DNAJC13: variants seen among roughly 807,000 people sequenced by gnomAD.
DNAJC13 encodes dnaJ homolog subfamily C member 13.
Under a neutral mutation model 290.5 loss-of-function variants are expected in DNAJC13, and 75 were observed. The observed-to-expected ratio is 0.26, with a 90% CI of 0.21 to 0.31. The LOEUF (loss-of-function observed/expected upper bound fraction) is 0.31. DNAJC13 is among the 10% of genes least tolerant of loss of function. DNAJC13 has a pLI of 1.00. For missense variants in DNAJC13, 2,260 were observed against 2,674.5 expected (o/e 0.85, Z 3.42); for synonymous variants, 862 against 892.0 (o/e 0.97, Z 0.60).
intron 43 of DNAJC13, 59 bp from the exon 44 acceptor site, chr3:132,511,008 G>A: frequency 6.4e-7 from 1 of 1,561,852 alleles, no homozygotes; most frequent in South Asian, 1.2e-5. Flanking sequence ...TCTTTCTTTT[G>A]CTATGGAGTT....
intron 46 of DNAJC13, among the ~76,000 whole-genome samples, chr3:132,515,577 TG>T (rs1028548216): frequency 6.6e-6 from 1 of 152,182 alleles, no homozygotes; most frequent in African/African-American, 2.4e-5. Flanking sequence ...AGTAGCTTTG[TG>T]AGACTTCAAA....
At chr3:132,464,969 A>G (rs1933925956) in intron 17 of DNAJC13, among the ~76,000 whole-genome samples, 1 of 152,158 alleles carries the variant, frequency 6.6e-6, no homozygotes, top group Non-Finnish European at 1.5e-5. Flanking sequence ...CTCTATTTGC[A>G]TTGCTTTATC....
chr3:132,487,559 A>ATTTTTTTTTTTTTT lies in DNAJC13; in HGVS notation c.3268-732_3268-719dup, dbSNP rs10663131. On this transcript the variant is annotated intron_variant, in intron 29 of 55. Transcript: ENST00000260818. Reference sequence around the variant, plus strand: ...GCGTGAGCCACCATGCCTGGCTGTAATTTTTTTTTTTTTTTTTTTTACTGG... The same window carrying ATTTTTTTTTTTTTT: ...GCGTGAGCCACCATGCCTGGCTGTAATTTTTTTTTTTTTTTTTTTTTTTTTTTTTTTTTTACTGG... Among the ~76,000 whole-genome samples the ATTTTTTTTTTTTTT allele has an allele frequency of 3.5e-4, 39 of 110,436 alleles. 6 individuals are homozygous for ATTTTTTTTTTTTTT. Among genetic ancestry groups the ATTTTTTTTTTTTTT allele is most frequent in the African/African-American group, 2.0e-3 (37 of 18,780 alleles). 72.5% of individuals were successfully genotyped at this position (110,436 alleles called of 152,430 possible).
chr3:132,499,762 T>C lies in DNAJC13; in HGVS notation c.4370T>C (p.Val1457Ala), dbSNP rs1010741575. 3.1e-6 allele frequency: 5 copies of C among 1,614,114 alleles called. No homozygotes were observed. The highest frequency in any genetic ancestry group is 3.4e-6 in the Non-Finnish European group (4 of 1,180,040). ...EVLQEAFSRC[V>A]AVLTRASKPS... is the part of the protein sequence containing the mutation. ...TTACAAGAGGCATTTAGTCGCTGTG[T>C]GGCTGTCTTGACTCGTGCTAGTAAA... Residue 1457 changes from valine to alanine, a missense_variant, in exon 38 of 56, where the codon GTG (valine) becomes GCG (alanine). By Grantham distance (64) the Val-to-Ala change is moderately conservative. Transcript: ENST00000260818.
At chr3:132,504,124 TC>T (rs1408745215) in intron 41 of DNAJC13, among the ~76,000 whole-genome samples, 1 of 152,158 alleles carries the variant, frequency 6.6e-6, no homozygotes, top group African/African-American at 2.4e-5. Flanking sequence ...AGGCAGTTTT[TC>T]TTTTGTTTTC....
intron 1 of DNAJC13, among the ~76,000 whole-genome samples, chr3:132,422,705 G>A (rs1324101257): frequency 6.6e-6 from 1 of 152,160 alleles, no homozygotes; most frequent in Non-Finnish European, 1.5e-5. Flanking sequence ...AGTTACCTGT[G>A]CAAAGGTACA....
Position 132,488,423 on chromosome 3 carries a change from C to T in DNAJC13, c.3393C>T (p.Tyr1131=). ...LSGVFFFIMM[Y]TGSNVLPVAR... is the part of the protein sequence containing the mutation. ...GAGTATTTTTCTTTATCATGATGTA[C>T]ACAGGTTCCAATGTGCTTCCTGTTG... The change falls in exon 30 of 56, where the codon TAC becomes TAT. Residue 1131 remains tyrosine (Y), a synonymous_variant. Transcript: ENST00000260818. 1.2e-6 allele frequency: 2 copies of T among 1,612,472 alleles called. No individual in the cohort carries two copies. Among genetic ancestry groups the T allele is most frequent in the Non-Finnish European group, 1.7e-6 (2 of 1,179,320 alleles).
intron 33 of DNAJC13, among the ~76,000 whole-genome samples, chr3:132,493,450 C>T (rs917153784): frequency 5.3e-5 from 8 of 151,792 alleles, no homozygotes; most frequent in Non-Finnish European, 7.4e-5. Flanking sequence ...GCTTTTTAGT[C>T]AGACCTAGGT....
Position 132,502,318 on chromosome 3 carries a change from A to G in DNAJC13, c.4566A>G (p.Val1522=). Residue 1522 remains valine, a synonymous_variant, in exon 40 of 56, where the codon GTA becomes GTG. Coordinates refer to ENST00000260818, the MANE Select transcript of DNAJC13 (RefSeq NM_015268.4). ...TTCCCCGCGTAGCTGCTCTTGGGGT[A>G]GAATGTGTCAGTTCTTTTGCTGTGG... The part of the protein sequence containing the change: ...KSIPRVAALG[V]ECVSSFAVDF... 6.2e-7 allele frequency: 1 copy of G among 1,612,876 alleles called. No individual in the cohort carries two copies. The highest frequency in any genetic ancestry group is 1.7e-4 in the Middle Eastern group (1 of 6,060).
At chr3:132,422,765 T>C (rs1938995349) in intron 1 of DNAJC13, among the ~76,000 whole-genome samples, 1 of 152,210 alleles carries the variant, frequency 6.6e-6, no homozygotes, top group Non-Finnish European at 1.5e-5. Context: ...AGTAATTCTT[T>C]TCAGATGCTC....
chr3:132,516,831 A>T lies in DNAJC13; in HGVS notation c.5673+15A>T. On this transcript the variant is annotated intron_variant, in intron 48 of 55. Coordinates refer to ENST00000260818, the MANE Select transcript of DNAJC13 (RefSeq NM_015268.4). ...TAGGTCCAAAGGTAGGCACAAAATA[A>T]GTTCTTGAAAGGAAATTAATTATTA... 2.5e-6 allele frequency: 4 copies of T among 1,570,660 alleles called. No homozygotes were observed. The South Asian group carries it at 4.6e-5, about 18-fold the overall frequency.
chr3:132,423,851 A>C lies in DNAJC13; in HGVS notation c.-14+6091A>C, dbSNP rs1939024544. ...AGCTTAGGAAATTTAGTCCCGCATTATGCATTTACTGTAATGATAGGAAAA... is the reference window on the plus strand; with the variant it reads ...AGCTTAGGAAATTTAGTCCCGCATTCTGCATTTACTGTAATGATAGGAAAA... On this transcript the variant is annotated intron_variant, in intron 1 of 55. Transcript: ENST00000260818. 3.3e-5 allele frequency among the ~76,000 whole-genome samples: 5 copies of C among 152,230 alleles called. No homozygotes were observed. In the South Asian group the frequency reaches 1.0e-3, roughly 32 times the overall value.
chr3:132,508,159 A>T (rs1935653373), intron 43 of DNAJC13, among the ~76,000 whole-genome samples: 1 of 152,210 alleles, frequency 6.6e-6, no homozygotes, highest in Non-Finnish European at 1.5e-5. Context: ...ACTCTCTTCA[A>T]TTCTGTGAAG....
chr3:132,483,613 T>C (rs1934754152), intron 28 of DNAJC13, 36 bp downstream of exon 28: 1 of 1,580,100 alleles, frequency 6.3e-7, no homozygotes, highest in Non-Finnish European at 8.7e-7. Flanking sequence ...GGTTAATTGA[T>C]ATGCTTCCTT....
At chr3:132,532,162 T>C (rs2107755717) in intron 55 of DNAJC13, among the ~76,000 whole-genome samples, 1 of 152,316 alleles carries the variant, frequency 6.6e-6, no homozygotes, top group South Asian at 2.1e-4. Flanking sequence ...CCCTGCATTC[T>C]CTCCTAACCA....
intron 44 of DNAJC13, among the ~76,000 whole-genome samples, chr3:132,511,640 T>C (rs1935781651): frequency 6.6e-6 from 1 of 152,274 alleles, no homozygotes; most frequent in South Asian, 2.1e-4. Context: ...ATATGGGCAC[T>C]GATGTTTTTC....
chr3:132,480,459 G>A lies in DNAJC13; in HGVS notation c.2863G>A (p.Val955Ile). Residue 955 changes from valine (V) to isoleucine (I), a missense_variant, in exon 26 of 56, where the codon GTA (valine) becomes ATA (isoleucine). Physicochemically the swap from Val to Ile is conservative, Grantham distance 29. Around this residue, in one of 3 missense-constraint regions of DNAJC13, gnomAD observed 1,494 missense variants for 1,693.7 expected, o/e 0.88. Transcript: ENST00000260818. Reference protein sequence around the residue: ...LAHLHVSRATVPLQSNVIEAA... With the variant: ...LAHLHVSRATIPLQSNVIEAA... Reference sequence around the variant, plus strand: ...ACATCTCCATGTAAGCCGAGCTACAGTACCACTGCAAGTACGTATCCTTGT... The same window carrying A: ...ACATCTCCATGTAAGCCGAGCTACAATACCACTGCAAGTACGTATCCTTGT... 1 of 1,610,170 alleles carries A rather than the reference G, an allele frequency of 6.2e-7. No individual in the cohort carries two copies. The highest frequency in any genetic ancestry group is 8.5e-7 in the Non-Finnish European group (1 of 1,177,254).
intron 48 of DNAJC13, among the ~76,000 whole-genome samples, chr3:132,519,843 A>T (rs1420973788): frequency 6.6e-6 from 1 of 151,906 alleles, no homozygotes; most frequent in Non-Finnish European, 1.5e-5. Context: ...CATACCCAAC[A>T]CTGGGCAATT....
At chr3:132,483,231 C>T (rs1448732642) in intron 27 of DNAJC13, 144 bp from the exon 28 acceptor site, 13 of 841,540 alleles carry the variant, frequency 1.5e-5, no homozygotes, top group Non-Finnish European at 2.3e-5. Context: ...TCCTAAAGGC[C>T]TGTCAACAAA....
Sources: gnomAD v4.1 joint callset for allele counts (sites outside exome capture counted in the v4.1 genomes callset) on GRCh38, gnomAD v4.1.1 for gene constraint, gnomAD v4.1.1 regional missense constraint, MANE v1.5 for transcripts, NCBI Gene and HGNC (gene_info 2026-07-23, HGNC 2026-07-21) for gene names.